Variants in PRDM9 observed in about 807,000 individuals in gnomAD.
The protein encoded by PRDM9 is PR/SET domain 9, also known as histone-lysine N-methyltransferase PRDM9.
In PRDM9, 47 loss-of-function variants were observed where a neutral mutation model predicts 55.6. That is an observed-to-expected ratio of 0.85 (90% CI 0.67 to 1.08). PRDM9 has a LOEUF of 1.08. Among genes scored for constraint, PRDM9 ranks in the 50% least tolerant of loss-of-function variants. PRDM9 has a pLI of 0.00. For missense variants in PRDM9, 867 were observed against 1,040.3 expected, an observed-to-expected ratio of 0.83 and a Z score of 2.29; for synonymous variants, 312 against 375.7, an observed-to-expected ratio of 0.83 and a Z score of 1.96.
At position 23,526,450 on chromosome 5, in the gene PRDM9, A is replaced by G. The variant is rs748458215; in HGVS notation, c.1362A>G (p.Gln454=). 1.9e-6 allele frequency: 3 copies of G among 1,614,216 alleles called. No individual in the cohort carries two copies. The highest frequency in any genetic ancestry group is 4.5e-5 in the East Asian group (2 of 44,868). The change falls in exon 11 of 11, where the codon CAA becomes CAG. Residue 454 remains glutamine (Q), a synonymous_variant. Coordinates refer to ENST00000296682, the MANE Select transcript of PRDM9 (RefSeq NM_020227.4). Reference sequence around the variant, plus strand: ...GCCGTAATGACAAAACCAAAGGTCAAGAGATCAAAGAAAGGTCCAAACTCT... The same window carrying G: ...GCCGTAATGACAAAACCAAAGGTCAGGAGATCAAAGAAAGGTCCAAACTCT... The part of the protein sequence containing the change: ...PHSRNDKTKG[Q]EIKERSKLLN...
rs200658919 is a variant in PRDM9 at position 23,527,663 on chromosome 5, C to T, written c.2575C>T (p.Pro859Ser). 2.6e-5 allele frequency: 39 copies of T among 1,519,762 alleles called. No homozygotes were observed. Among genetic ancestry groups the T allele is most frequent in the Non-Finnish European group, 1.1e-5 (12 of 1,125,196 alleles). 94.1% of individuals were successfully genotyped at this position (1,519,762 alleles called of 1,614,324 possible). Residue 859 changes from proline (P) to serine (S), a missense_variant, in exon 11 of 11, where the codon CCC becomes TCC. This residue lies in a region of PRDM9 where 86 missense variants were observed against 73.6 expected (regional missense o/e 1.17). Transcript: ENST00000296682. ...RHQRTHTGEK[P>S]YVCRECGRGF... The stretch of plus-strand genomic sequence containing the variant: ...CCAGAGGACACACACAGGGGAGAAG[C>T]CCTACGTCTGCAGGGAGTGTGGGCG...
chr5:23,507,631 G>A lies in PRDM9; in HGVS notation c.-166G>A, dbSNP rs17314231. On this transcript the variant is annotated 5_prime_UTR_variant, in exon 1 of 11. Transcript: ENST00000296682. ...CCTGAGGGACTCTGAGAGAACGCCC[G>A]GCCAGGGTGAACGCCGCGGCAGGAG... 1,421 of 152,620 alleles carry A rather than the reference G, an allele frequency of 9.3e-3. 12 individuals are homozygous for A. The highest frequency in any genetic ancestry group is 0.015 in the Non-Finnish European group (1,057 of 68,278). 9.5% of individuals were successfully genotyped at this position (152,620 alleles called of 1,614,324 possible). A position where few individuals can be genotyped will look rare whatever the true frequency, so the allele number is the denominator to read the frequency against.
chr5:23,511,976 T>TG (rs959556310), intron 4 of PRDM9, among the ~76,000 whole-genome samples: 1 of 144,648 alleles, frequency 6.9e-6, no homozygotes, highest in African/African-American at 2.6e-5. Context: ...TTGTCATTCT[T>TG]TTTTTTTTTT....
At chr5:23,507,538 C>G (rs192983553), upstream of PRDM9, 74 of 152,462 alleles carry the variant, frequency 4.9e-4, no homozygotes, top group Admixed American at 1.6e-3. Flanking sequence ...GCGGGCTCGC[C>G]TTGGTCTCCG....
At chr5:23,508,124 C>T (rs1263074676) in intron 1 of PRDM9, among the ~76,000 whole-genome samples, 2 of 152,030 alleles carry the variant, frequency 1.3e-5, no homozygotes, top group East Asian at 3.9e-4. Context: ...GACCCTAAAA[C>T]CCCTTAATGA....
intron 4 of PRDM9, among the ~76,000 whole-genome samples, chr5:23,512,067 GCTTT>G (rs1739110348): frequency 6.6e-6 from 1 of 151,544 alleles, no homozygotes; most frequent in Non-Finnish European, 1.5e-5. Context: ...CCACGAAAAA[GCTTT>G]CTAATACCAA....
chr5:23,518,112 C>T (rs1739252862), intron 5 of PRDM9, among the ~76,000 whole-genome samples, 182 bp downstream of exon 5: 1 of 152,126 alleles, frequency 6.6e-6, no homozygotes, highest in African/African-American at 2.4e-5. Flanking sequence ...TAATTGCTAC[C>T]ATGGTGTTAT....
chr5:23,524,362 G>A lies in PRDM9; in HGVS notation c.979G>A (p.Glu327Lys). 1 of 1,614,006 alleles carries A rather than the reference G, an allele frequency of 6.2e-7. No individual in the cohort carries two copies. ...RYVNCARDDE[E>K]QNLVAFQYHR... ...TGTGAACTGTGCCCGGGATGATGAA[G>A]AGCAGAACCTGGTGGCCTTCCAGTA... The change falls in exon 10 of 11, where the codon GAG becomes AAG. Residue 327 changes from glutamate to lysine, a missense_variant. This residue lies in a region of PRDM9 where 662 missense variants were observed against 711.9 expected (regional missense o/e 0.93). Transcript: ENST00000296682.
rs765428678 is a variant in PRDM9 at position 23,526,814 on chromosome 5, G to A, written c.1726G>A (p.Gly576Arg). Residue 576 changes from glycine (G) to arginine (R), a missense_variant, in exon 11 of 11, where the codon GGG becomes AGG. Gly to Arg is a moderately radical substitution (Grantham distance 125). Transcript: ENST00000296682. The part of the protein sequence containing the change: ...HLLIHQRIHT[G>R]EKPYVCRECG... ...CCTCATTCACCAGAGGATACACACA[G>A]GGGAGAAGCCCTATGTCTGCAGGGA... 4 of 1,591,036 alleles carry A rather than the reference G, an allele frequency of 2.5e-6. No individual in the cohort carries two copies. The highest frequency in any genetic ancestry group is 2.3e-5 in the East Asian group (1 of 42,578).
chr5:23,511,006 A>C (rs1251370558), intron 4 of PRDM9, among the ~76,000 whole-genome samples: 1 of 150,688 alleles, frequency 6.6e-6, no homozygotes, highest in Non-Finnish European at 1.5e-5. Context: ...AAAAAAAAAA[A>C]TTAGCCGGGT....
At chr5:23,508,874 A>G (rs1739033325) in intron 1 of PRDM9, 76 bp from the exon 2 acceptor site, 8 of 799,862 alleles carry the variant, frequency 1.0e-5, no homozygotes, top group Non-Finnish European at 1.4e-5. Context: ...ACACCCAGCC[A>G]GATGGAGAAG....
In PRDM9 at chr5:23,527,034, C is replaced by G. The variant is rs1333270778; in HGVS notation, c.1946C>G (p.Ser649Ter). The G allele has an allele frequency of 1.7e-6, 1 of 590,604 alleles. No individual in the cohort carries two copies. Among genetic ancestry groups the G allele is most frequent in the East Asian group, 2.9e-5 (1 of 34,982 alleles). 36.6% of individuals were successfully genotyped at this position (590,604 alleles called of 1,614,324 possible). A position where few individuals can be genotyped will look rare whatever the true frequency, so the allele number is the denominator to read the frequency against. ...RECGRGFSRQSVLLTHQRRHT... is the reference protein window; with the variant it reads ...RECGRGFSRQ ...TGTGGGCGGGGCTTTAGCCGGCAGT[C>G]AGTCCTCCTCACTCACCAGAGGAGA... Residue 649 changes from serine (S) to a stop codon, truncating the protein, a stop_gained, in exon 11 of 11, where the codon TCA (serine) becomes TGA (stop). Coordinates refer to ENST00000296682, the MANE Select transcript of PRDM9 (RefSeq NM_020227.4). LOFTEE classifies it low-confidence loss of function (END_TRUNC).
chr5:23,518,638 A>G (rs1303710621), intron 5 of PRDM9, among the ~76,000 whole-genome samples: 1 of 152,212 alleles, frequency 6.6e-6, no homozygotes, highest in African/African-American at 2.4e-5. Context: ...AGACTGAGAA[A>G]CAACAAATAA....
Position 23,526,340 on chromosome 5 carries a change from G to A in PRDM9, c.1252G>A (p.Gly418Arg), listed in dbSNP as rs776940752. 9 of 1,614,042 alleles carry A rather than the reference G, an allele frequency of 5.6e-6. No homozygotes were observed. Among genetic ancestry groups the A allele is most frequent in the Admixed American group, 1.7e-5 (1 of 60,006 alleles). The change falls in exon 11 of 11, where the codon GGA (glycine) becomes AGA (arginine). Residue 418 changes from glycine (G) to arginine (R), a missense_variant. By Grantham distance (125) the Gly-to-Arg change is moderately radical. This residue lies in a region of PRDM9 where 662 missense variants were observed against 711.9 expected (regional missense o/e 0.93). Transcript: ENST00000296682. ...CAATCACTCCTCTCAGAACTTCCCA[G>A]GACCATCTGCAAGAAAACTCCTCCA... The part of the protein sequence containing the change: ...ERNHSSQNFP[G>R]PSARKLLQPE...
intron 4 of PRDM9, among the ~76,000 whole-genome samples, chr5:23,512,824 T>C (rs1169909238): frequency 6.6e-6 from 1 of 152,204 alleles, no homozygotes; most frequent in Non-Finnish European, 1.5e-5. Context: ...TCTGTTTCTA[T>C]AAATTTGATT....
In PRDM9 at chr5:23,526,995, A is replaced by T. The variant is rs201651766; in HGVS notation, c.1907A>T (p.Tyr636Phe). 2.7e-3 allele frequency: 3,574 copies of T among 1,346,758 alleles called. 15 individuals are homozygous for T. Among genetic ancestry groups the T allele is most frequent in the South Asian group, 3.5e-3 (275 of 78,892 alleles). The allele number at this position is 1,346,758 out of a possible 1,614,324, so 83.4% of individuals were successfully genotyped here. ...HQRRHTGEKPYVCRECGRGFS... is the reference protein window; with the variant it reads ...HQRRHTGEKPFVCRECGRGFS... ...AGGAGACACACAGGGGAGAAGCCCT[A>T]TGTCTGCAGGGAGTGTGGGCGGGGC... is the stretch of plus-strand genomic sequence containing the variant. The change falls in exon 11 of 11, where the codon TAT becomes TTT. Residue 636 changes from tyrosine to phenylalanine, a missense_variant. Physicochemically the swap from Tyr to Phe is conservative, Grantham distance 22. Around this residue, in one of 5 missense-constraint regions of PRDM9, gnomAD observed 0 missense variants for 19.0 expected, o/e 0.00. Transcript: ENST00000296682.
rs768000977 is a variant in PRDM9 at position 23,526,716 on chromosome 5, A to G, written c.1628A>G (p.Gln543Arg). 5 of 1,614,256 alleles carry G rather than the reference A, an allele frequency of 3.1e-6. No individual in the cohort carries two copies. Among genetic ancestry groups the G allele is most frequent in the Non-Finnish European group, 3.4e-6 (4 of 1,180,050 alleles). ...GTTAAATCAGATGTTATTACACACC[A>G]AAGGACACATACAGGGGAGAAGCTC... is the stretch of plus-strand genomic sequence containing the variant. ...FSVKSDVITH[Q>R]RTHTGEKLYV... The change falls in exon 11 of 11, where the codon CAA (glutamine) becomes CGA (arginine). Residue 543 changes from glutamine (Q) to arginine (R), a missense_variant. Gln to Arg is a conservative substitution (Grantham distance 43). This residue lies in a region of PRDM9 where 662 missense variants were observed against 711.9 expected (regional missense o/e 0.93). Transcript: ENST00000296682.
chr5:23,526,313 C>T lies in PRDM9; in HGVS notation c.1225C>T (p.Arg409Cys), dbSNP rs376002725. The T allele has an allele frequency of 1.3e-4, 217 of 1,614,022 alleles. No homozygotes were observed. The highest frequency in any genetic ancestry group is 1.7e-4 in the Non-Finnish European group (206 of 1,180,040). ...GAAATTTCTCAGTCAACATGTAGAA[C>T]GCAATCACTCCTCTCAGAACTTCCC... ...SQKFLSQHVE[R>C]NHSSQNFPGP... The change falls in exon 11 of 11, where the codon CGC becomes TGC. Residue 409 changes from arginine to cysteine, a missense_variant. Around this residue, in one of 5 missense-constraint regions of PRDM9, gnomAD observed 662 missense variants for 711.9 expected, o/e 0.93. Transcript: ENST00000296682.
At chr5:23,522,584 T>A in intron 7 of PRDM9, 30 bp from the exon 8 acceptor site, 1 of 1,614,176 alleles carries the variant, frequency 6.2e-7, no homozygotes, top group South Asian at 1.1e-5. Context: ...GCATTACAAC[T>A]TTCCTAATCT....
Sources: allele counts gnomAD v4.1 joint callset (sites outside exome capture counted in the v4.1 genomes callset), GRCh38; gene constraint gnomAD v4.1.1; regional missense constraint gnomAD v4.1.1; transcripts MANE v1.5; gene names NCBI Gene and HGNC (gene_info 2026-07-23, HGNC 2026-07-21).